RAI14: variants seen among roughly 807,000 people sequenced by gnomAD.
The protein encoded by RAI14 is ankycorbin.
RAI14 carries 45 observed loss-of-function variants against 115.4 expected under a neutral mutation model. That is an observed-to-expected ratio of 0.39 (90% confidence interval 0.31 to 0.50). RAI14 has a LOEUF of 0.50. Among genes scored for constraint, RAI14 ranks in the 20% least tolerant of loss-of-function variants. RAI14 has a pLI of 0.85. For synonymous variants in RAI14, 371 were observed against 415.4 expected, an observed-to-expected ratio of 0.89 and a Z score of 1.30; for missense variants, 939 against 1,131.2, an observed-to-expected ratio of 0.83 and a Z score of 2.44.
At chr5:34,722,330 A>C (rs971623513) in intron 2 of RAI14, among the ~76,000 whole-genome samples, 1 of 151,050 alleles carries the variant, frequency 6.6e-6, no homozygotes, top group East Asian at 1.9e-4. Flanking sequence ...ATGTACATGC[A>C]CAGAGAAAAG....
At chr5:34,802,529 A>G (rs946088951) in intron 4 of RAI14, among the ~76,000 whole-genome samples, 3 of 152,160 alleles carry the variant, frequency 2.0e-5, no homozygotes, top group Non-Finnish European at 4.4e-5. Context: ...CCCCCCATCC[A>G]GACATTTGAA....
At chr5:34,718,238 T>G (rs1545348) in intron 2 of RAI14, among the ~76,000 whole-genome samples, 31,983 of 152,218 alleles carry the variant, frequency 0.21, 3,821 homozygotes, top group Middle Eastern at 0.26. Flanking sequence ...TTTGGTGATT[T>G]ACAACTCTTG....
At chr5:34,818,968 C>T (rs374499434) in intron 13 of RAI14, 117 bp downstream of exon 13, 3 of 856,632 alleles carry the variant, frequency 3.5e-6, no homozygotes, top group Non-Finnish European at 5.5e-6. Context: ...GCCAGCATGT[C>T]CACACAGAGC....
chr5:34,687,899 T>C (rs1738048423), intron 2 of RAI14, among the ~76,000 whole-genome samples: 1 of 152,204 alleles, frequency 6.6e-6, no homozygotes, highest in Non-Finnish European at 1.5e-5. Flanking sequence ...CATACCTACT[T>C]CTGGCTGAAG....
chr5:34,681,900 G>A (rs1389889635), intron 1 of RAI14, among the ~76,000 whole-genome samples: 1 of 141,132 alleles, frequency 7.1e-6, no homozygotes, highest in African/African-American at 2.7e-5. Context: ...TTGTTGCCCA[G>A]GCTGGAGTGC....
At chr5:34,824,946 CAA>C (rs1174399473) in intron 15 of RAI14, among the ~76,000 whole-genome samples, 729 of 66,526 alleles carry the variant, frequency 0.011, 3 homozygotes, top group African/African-American at 0.033. Flanking sequence ...GACTTCATCT[CAA>C]AAAAAAAAAA....
intron 1 of RAI14, among the ~76,000 whole-genome samples, chr5:34,671,185 C>T (rs1163887271): frequency 6.6e-6 from 1 of 152,056 alleles, no homozygotes; most frequent in African/African-American, 2.4e-5. Flanking sequence ...TGAGGATGGT[C>T]TTTTGGCACC....
At chr5:34,704,136 G>T (rs1179428646) in intron 2 of RAI14, among the ~76,000 whole-genome samples, 1 of 152,190 alleles carries the variant, frequency 6.6e-6, no homozygotes, top group Non-Finnish European at 1.5e-5. Context: ...GGTCTAATCC[G>T]GCTCAGTCGT....
chr5:34,679,315 T>C (rs1474890881), intron 1 of RAI14, among the ~76,000 whole-genome samples: 2 of 152,240 alleles, frequency 1.3e-5, no homozygotes, highest in African/African-American at 4.8e-5. Context: ...GTAACCGTAG[T>C]GCTCATTCAT....
At chr5:34,686,712 T>G (rs573200672) in intron 1 of RAI14, 160 bp from the exon 2 acceptor site, 17 of 395,116 alleles carry the variant, frequency 4.3e-5, no homozygotes, top group African/African-American at 3.5e-4. Context: ...AGGAAGTATA[T>G]CGTAAGTGGA....
intron 1 of RAI14, among the ~76,000 whole-genome samples, chr5:34,660,780 T>C (rs929677636): frequency 4.3e-5 from 6 of 139,944 alleles, no homozygotes; most frequent in South Asian, 2.1e-4. Flanking sequence ...GGCACATTCT[T>C]TTTTTTTTTT....
At chr5:34,828,905 T>G (rs1208736550) in intron 16 of RAI14, among the ~76,000 whole-genome samples, 1 of 152,172 alleles carries the variant, frequency 6.6e-6, no homozygotes, top group Non-Finnish European at 1.5e-5. Context: ...TAATCAATAA[T>G]TCCCTTAAAA....
intron 2 of RAI14, among the ~76,000 whole-genome samples, chr5:34,752,703 A>ATGTGTGTGTGTG (rs71600953): frequency 3.0e-4 from 25 of 83,022 alleles, no homozygotes; most frequent in Non-Finnish European, 4.6e-4. Flanking sequence ...TCTTACATAT[A>ATGTGTGTGTGTG]TGTGTGTGTG....
intron 14 of RAI14, among the ~76,000 whole-genome samples, 174 bp downstream of exon 14, chr5:34,822,024 TTC>T (rs1234649464): frequency 1.3e-5 from 2 of 151,478 alleles, no homozygotes; most frequent in African/African-American, 4.8e-5. Context: ...CATTAACTCT[TTC>T]TGTAAATTAT....
chr5:34,825,234 C>A (rs1561093142), intron 15 of RAI14, among the ~76,000 whole-genome samples: 2 of 152,136 alleles, frequency 1.3e-5, no homozygotes, highest in Non-Finnish European at 2.9e-5. Context: ...ATATCAACAC[C>A]ACTGCATTCT....
intron 4 of RAI14, among the ~76,000 whole-genome samples, chr5:34,797,333 A>G (rs115380264): frequency 2.4e-4 from 36 of 152,242 alleles, no homozygotes; most frequent in African/African-American, 7.9e-4. Flanking sequence ...CAGGAATGCT[A>G]TTATTACTCA....
At chr5:34,783,158 A>G (rs1751869672) in intron 3 of RAI14, among the ~76,000 whole-genome samples, 1 of 152,258 alleles carries the variant, frequency 6.6e-6, no homozygotes, top group South Asian at 2.1e-4. Flanking sequence ...TACTCAAGGC[A>G]GTGGTGATCA....
chr5:34,790,462 A>G (rs897735851), intron 3 of RAI14, among the ~76,000 whole-genome samples: 4 of 152,180 alleles, frequency 2.6e-5, no homozygotes, highest in Admixed American at 6.5e-5. Flanking sequence ...GTTTTCTTTT[A>G]TGTGATAACT....
chr5:34,782,075 T>C (rs1751715248), intron 3 of RAI14, among the ~76,000 whole-genome samples: 2 of 152,196 alleles, frequency 1.3e-5, no homozygotes, highest in South Asian at 4.1e-4. Flanking sequence ...TTGTTTGTGG[T>C]TCAGGAATGC....
Sources: allele counts gnomAD v4.1 joint callset (sites outside exome capture counted in the v4.1 genomes callset), GRCh38; gene constraint gnomAD v4.1.1; transcripts MANE v1.5; gene names NCBI Gene and HGNC (gene_info 2026-07-23, HGNC 2026-07-21).